The following DPP10 variants were observed in gnomAD, a reference collection of about 807,000 sequenced individuals.
The protein encoded by DPP10 is dipeptidyl peptidase like 10.
A neutral mutation model predicts 120.9 loss-of-function variants in DPP10; 33 were observed. That is an observed-to-expected ratio of 0.27 (90% CI 0.21 to 0.37). DPP10 has a LOEUF of 0.37. Ranked by LOEUF, DPP10 falls within the 10% of genes least tolerant of loss-of-function variation. The probability of loss-of-function intolerance (pLI) is 1.00; values close to 1 mark genes in which losing one functional copy is unlikely to be tolerated. For missense variants in DPP10, 816 were observed against 942.8 expected (o/e 0.87, Z 1.76); for synonymous variants, 337 against 326.1 (o/e 1.03, Z -0.36).
intron 5 of DPP10, among the ~76,000 whole-genome samples, chr2:115,658,398 T>C (rs2088594571): frequency 6.6e-6 from 1 of 152,108 alleles, no homozygotes; most frequent in Non-Finnish European, 1.5e-5. Context: ...CCCTTTTTTT[T>C]TTGAGAATGA....
intron 9 of DPP10, among the ~76,000 whole-genome samples, chr2:115,745,524 A>G (rs1420214038): frequency 6.6e-6 from 1 of 150,520 alleles, no homozygotes; most frequent in Non-Finnish European, 1.5e-5. Flanking sequence ...AATTATGCAA[A>G]TGAGTCACCC....
intron 1 of DPP10, among the ~76,000 whole-genome samples, chr2:115,150,305 T>C (rs1464272786): frequency 6.6e-6 from 1 of 152,140 alleles, no homozygotes; most frequent in South Asian, 2.1e-4. Context: ...TAATGATATC[T>C]CCAAATGAAA....
intron 1 of DPP10, among the ~76,000 whole-genome samples, chr2:114,790,907 G>T (rs1202721686): frequency 6.6e-6 from 1 of 152,142 alleles, no homozygotes; most frequent in East Asian, 1.9e-4. Flanking sequence ...GCTTGGCTTG[G>T]GCTCAGAGGC....
chr2:114,806,013 T>C (rs1684690040), intron 1 of DPP10, among the ~76,000 whole-genome samples: 1 of 152,180 alleles, frequency 6.6e-6, no homozygotes, highest in African/African-American at 2.4e-5. Context: ...AAAGCCTATC[T>C]TTTTTATTCT....
rs1421784191 is a variant in DPP10, at chr2:115,844,346, T to A, written c.*2001T>A. ...TATTTGAGTATCATTTAAAAAGTAT[T>A]TGCCTTTTACTGTCATCATTTCTCT... On this transcript the variant is annotated 3_prime_UTR_variant, in exon 26 of 26. Transcript: ENST00000410059. 6.6e-6 allele frequency: 1 copy of A among 152,544 alleles called. No homozygotes were observed. The highest frequency in any genetic ancestry group is 1.5e-5 in the Non-Finnish European group (1 of 67,998). 9.4% of individuals were successfully genotyped at this position (152,544 alleles called of 1,614,324 possible).
rs1690443815 is a variant in DPP10 at position 115,844,380 on chromosome 2, T to TTTC, written c.*2035_*2036insTTC. On this transcript the variant is annotated 3_prime_UTR_variant, in exon 26 of 26. Transcript: ENST00000410059. ...ACTGTCATCATTTCTCTTGTTTTAT[T>TTTC]ATTATTATCAATGTTTATCTATTTT... 1 of 152,606 alleles carries TTTC rather than the reference T, an allele frequency of 6.6e-6. No homozygotes were observed. The highest frequency in any genetic ancestry group is 2.4e-5 in the African/African-American group (1 of 41,440). 9.5% of individuals were successfully genotyped at this position (152,606 alleles called of 1,614,324 possible).
intron 21 of DPP10, among the ~76,000 whole-genome samples, chr2:115,825,655 G>A (rs1220358695): frequency 2.6e-5 from 4 of 151,994 alleles, no homozygotes; most frequent in African/African-American, 9.7e-5. Flanking sequence ...TTCACACATA[G>A]AATGTTCTAT....
chr2:115,081,973 C>T (rs796817433), intron 1 of DPP10, among the ~76,000 whole-genome samples: 6 of 152,254 alleles, frequency 3.9e-5, no homozygotes, highest in Admixed American at 1.3e-4. Flanking sequence ...GGGAAAAATC[C>T]GCTTTTGTAC....
At chr2:115,241,913 T>C (rs2058300564) in intron 1 of DPP10, among the ~76,000 whole-genome samples, 1 of 152,170 alleles carries the variant, frequency 6.6e-6, no homozygotes. Flanking sequence ...TCCTTTGAAA[T>C]TGAGTATGCA....
chr2:114,541,981 GA>G (rs1421826367), intron 1 of DPP10, among the ~76,000 whole-genome samples: 7 of 150,514 alleles, frequency 4.7e-5, no homozygotes, highest in African/African-American at 1.5e-4. Flanking sequence ...CTCAATGGGA[GA>G]TTTTTTTTAA....
At position 114,752,280 on chromosome 2, in the gene DPP10, T is replaced by C. The variant is rs146594207; in HGVS notation, c.60+309442T>C. Among the ~76,000 whole-genome samples the C allele has an allele frequency of 4.5e-4, 68 of 152,288 alleles. 1 individual carries two copies. In the East Asian group the frequency reaches 0.013, roughly 29 times the overall value. On this transcript the variant is annotated intron_variant, in intron 1 of 25. Transcript: ENST00000410059. The stretch of plus-strand genomic sequence containing the variant: ...TTTTTCAGGGATGGGAGTCGAAAGA[T>C]AATCATCTTCTTACTCTTCAGGTAT...
chr2:115,805,020 C>T (rs1214500762), intron 19 of DPP10, among the ~76,000 whole-genome samples: 2 of 152,288 alleles, frequency 1.3e-5, no homozygotes, highest in East Asian at 3.9e-4. Context: ...CTGTGCCCTG[C>T]CCCCAGAGGT....
chr2:115,097,806 C>T (rs956493905), intron 1 of DPP10, among the ~76,000 whole-genome samples: 3 of 152,116 alleles, frequency 2.0e-5, no homozygotes, highest in Admixed American at 6.5e-5. Flanking sequence ...CTTGTTATGT[C>T]TGAATCTTGT....
At position 115,604,672 on chromosome 2, in the gene DPP10, A is replaced by G. The variant is rs1031271709; in HGVS notation, c.441+78700A>G. 4.1e-5 allele frequency among the ~76,000 whole-genome samples: 6 copies of G among 146,506 alleles called. 1 individual carries two copies. Among genetic ancestry groups the G allele is most frequent in the African/African-American group, 1.3e-4 (5 of 39,580 alleles). ...AAATCTAAGCCTTTTTCATTTCACA[A>G]CCCTACATCTGCAAGGTTCTTTTAA... On this transcript the variant is annotated intron_variant, in intron 5 of 25. Coordinates refer to ENST00000410059, the MANE Select transcript of DPP10 (RefSeq NM_020868.6).
At position 114,602,315 on chromosome 2, in the gene DPP10, ATGTG is replaced by A. The variant is rs3029135; in HGVS notation, c.60+159494_60+159497del. 8.8e-4 allele frequency among the ~76,000 whole-genome samples: 132 copies of A among 149,200 alleles called. 2 individuals are homozygous for A. Among genetic ancestry groups the A allele is most frequent in the East Asian group, 9.8e-4 (5 of 5,098 alleles). On this transcript the variant is annotated intron_variant, in intron 1 of 25. Coordinates refer to ENST00000410059, the MANE Select transcript of DPP10 (RefSeq NM_020868.6). ...CTATTCCTGTATGTAATACTTGTTA[ATGTG>A]TGTGTGTGTGTGTGTGCATGTGTGA...
intron 1 of DPP10, among the ~76,000 whole-genome samples, chr2:115,242,248 A>G (rs2058320888): frequency 6.6e-6 from 1 of 152,188 alleles, no homozygotes; most frequent in South Asian, 2.1e-4. Flanking sequence ...GTGAGAACAT[A>G]CAATGTTTGG....
At chr2:115,400,471 C>T (rs1004866575) in intron 3 of DPP10, among the ~76,000 whole-genome samples, 1 of 117,330 alleles carries the variant, frequency 8.5e-6, no homozygotes, top group African/African-American at 2.8e-5. Flanking sequence ...TGATATCTAC[C>T]CATAAGTAAA....
intron 1 of DPP10, among the ~76,000 whole-genome samples, chr2:114,476,768 G>A (rs894064635): frequency 3.9e-5 from 6 of 151,966 alleles, no homozygotes; most frequent in African/African-American, 1.5e-4. Context: ...GAAATATGTA[G>A]GCAATTACCA....
At chr2:114,581,901 A>G (rs1437504306) in intron 1 of DPP10, among the ~76,000 whole-genome samples, 2 of 152,230 alleles carry the variant, frequency 1.3e-5, no homozygotes, top group African/African-American at 4.8e-5. Context: ...CTTGTTAACA[A>G]CATACTGTAC....
Sources: gnomAD v4.1 joint callset for allele counts (sites outside exome capture counted in the v4.1 genomes callset) on GRCh38, gnomAD v4.1.1 for gene constraint, MANE v1.5 for transcripts, NCBI Gene and HGNC (gene_info 2026-07-23, HGNC 2026-07-21) for gene names.